Variants in FSTL4 observed in about 807,000 individuals in gnomAD.
FSTL4 encodes follistatin-related protein 4.
A neutral mutation model predicts 78.2 loss-of-function variants in FSTL4; 28 were observed. That is an observed-to-expected ratio of 0.36 (90% CI 0.27 to 0.49). The LOEUF (loss-of-function observed/expected upper bound fraction) is 0.49. FSTL4 is among the 20% of genes least tolerant of loss of function. The pLI is 0.98. For missense variants in FSTL4, 922 were observed against 1,084.9 expected (o/e 0.85, Z 2.11); for synonymous variants, 422 against 440.5 (o/e 0.96, Z 0.53).
At chr5:133,490,135 T>TG (rs1561737521) in intron 3 of FSTL4, among the ~76,000 whole-genome samples, 1 of 149,400 alleles carries the variant, frequency 6.7e-6, no homozygotes, top group Non-Finnish European at 1.5e-5. Flanking sequence ...GCCTCATTGT[T>TG]TTTTTTTTTT....
In FSTL4 at chr5:133,513,865, C is replaced by T. The variant is rs184637255; in HGVS notation, c.160+53321G>A. Reference sequence around the variant, plus strand: ...TTCAGAAGAAAACGTAAGAGAACTTCGGCACCTCAAGAGAATTAAATAAAC... The same window carrying T: ...TTCAGAAGAAAACGTAAGAGAACTTTGGCACCTCAAGAGAATTAAATAAAC... On this transcript the variant is annotated intron_variant, in intron 3 of 15. Coordinates refer to ENST00000265342, the MANE Select transcript of FSTL4 (RefSeq NM_015082.2). Among the ~76,000 whole-genome samples, 46 of 152,196 alleles carry T rather than the reference C, an allele frequency of 3.0e-4. No individual in the cohort carries two copies. In the South Asian group the frequency reaches 3.9e-3, roughly 13 times the overall value.
At chr5:133,669,492 G>T in the FSTL4 span, among the ~76,000 whole-genome samples, 1 of 152,226 alleles carries the variant, frequency 6.6e-6, no homozygotes, top group Non-Finnish European at 1.5e-5. Flanking sequence ...CAGCCAGGGA[G>T]GTGTCTTGCC....
At chr5:133,625,663 C>G in the FSTL4 span, among the ~76,000 whole-genome samples, 2 of 139,422 alleles carry the variant, frequency 1.4e-5, no homozygotes, top group East Asian at 4.1e-4. Context: ...TGCTTTGGGT[C>G]TATTTTAGTC....
chr5:133,724,497 G>T, the FSTL4 span, among the ~76,000 whole-genome samples: 8 of 150,584 alleles, frequency 5.3e-5, no homozygotes, highest in Admixed American at 4.0e-4. Flanking sequence ...TTTCCTGGGT[G>T]GGGGGGCGGG....
the FSTL4 span, among the ~76,000 whole-genome samples, chr5:133,744,414 T>C: frequency 6.6e-6 from 1 of 152,210 alleles, no homozygotes; most frequent in African/African-American, 2.4e-5. Context: ...ATCCAGGCTC[T>C]GTGATTCCGT....
chr5:133,542,175 T>C (rs1469005369), intron 3 of FSTL4, among the ~76,000 whole-genome samples: 1 of 152,210 alleles, frequency 6.6e-6, no homozygotes, highest in African/African-American at 2.4e-5. Context: ...AGTGTAAGAA[T>C]TTTTTCTTAC....
intron 2 of FSTL4, among the ~76,000 whole-genome samples, chr5:133,575,575 G>A (rs1386588603): frequency 2.6e-5 from 4 of 152,144 alleles, no homozygotes; most frequent in Non-Finnish European, 5.9e-5. Flanking sequence ...TTATTTTTGG[G>A]AGGTAAATGA....
chr5:133,828,848 C>A, the FSTL4 span, among the ~76,000 whole-genome samples: 1 of 152,194 alleles, frequency 6.6e-6, no homozygotes, highest in Non-Finnish European at 1.5e-5. Flanking sequence ...GATGTAGTAA[C>A]CAATACGAAG....
chr5:133,715,453 C>T, the FSTL4 span, among the ~76,000 whole-genome samples: 1 of 152,186 alleles, frequency 6.6e-6, no homozygotes, highest in African/African-American at 2.4e-5. Context: ...ACAATGGCTC[C>T]AAATGAGTGC....
At chr5:133,742,281 T>C in the FSTL4 span, among the ~76,000 whole-genome samples, 1 of 152,138 alleles carries the variant, frequency 6.6e-6, no homozygotes, top group African/African-American at 2.4e-5. Flanking sequence ...CCAGCCACCA[T>C]CAAAAGTGTC....
chr5:133,206,562 A>T (rs1451352844), intron 14 of FSTL4, among the ~76,000 whole-genome samples: 1 of 152,110 alleles, frequency 6.6e-6, no homozygotes, highest in Non-Finnish European at 1.5e-5. Flanking sequence ...GGGTTTCACC[A>T]TGTTGGCCAG....
chr5:133,347,056 C>T (rs1754710928), intron 4 of FSTL4, among the ~76,000 whole-genome samples: 1 of 152,108 alleles, frequency 6.6e-6, no homozygotes, highest in African/African-American at 2.4e-5. Flanking sequence ...TCCCTATCCC[C>T]CACAGCCAGT....
At chr5:133,479,199 A>G (rs1757979448) in intron 3 of FSTL4, among the ~76,000 whole-genome samples, 1 of 152,146 alleles carries the variant, frequency 6.6e-6, no homozygotes, top group Non-Finnish European at 1.5e-5. Context: ...CTGCATGACA[A>G]TCCCATGAAG....
rs1198155581 is a variant in FSTL4 at position 133,612,377 on chromosome 5, G to C, written c.-63C>G. 1 of 151,818 alleles carries C rather than the reference G, an allele frequency of 6.6e-6. No individual in the cohort carries two copies. Among genetic ancestry groups the C allele is most frequent in the African/African-American group, 2.4e-5 (1 of 41,370 alleles). 9.4% of individuals were successfully genotyped at this position (151,818 alleles called of 1,614,324 possible). On this transcript the variant is annotated 5_prime_UTR_variant, in exon 1 of 16. Coordinates refer to ENST00000265342, the MANE Select transcript of FSTL4 (RefSeq NM_015082.2). The surrounding 1 kb of genome is among the most constrained non-coding windows in gnomAD (Gnocchi z 6.2). ...CCAGGTGGCCGGACTTGGGCGGGAGGGAGGGAGCACCCCGTGGCGGCGGCG... is the reference window on the plus strand; with the variant it reads ...CCAGGTGGCCGGACTTGGGCGGGAGCGAGGGAGCACCCCGTGGCGGCGGCG...
At chr5:133,288,355 C>T (rs1263809524) in intron 6 of FSTL4, among the ~76,000 whole-genome samples, 11 of 152,172 alleles carry the variant, frequency 7.2e-5, no homozygotes, top group Non-Finnish European at 1.6e-4. Context: ...CAGGGAGCCC[C>T]AGGCACCCTC....
At chr5:133,242,298 G>A (rs892773668) in intron 7 of FSTL4, among the ~76,000 whole-genome samples, 4 of 152,126 alleles carry the variant, frequency 2.6e-5, no homozygotes, top group African/African-American at 7.2e-5. Context: ...AGAGTGCCTT[G>A]GAGGGGTAGG....
intron 13 of FSTL4, among the ~76,000 whole-genome samples, chr5:133,212,353 G>A (rs1289980490): frequency 2.6e-5 from 4 of 152,214 alleles, no homozygotes; most frequent in African/African-American, 9.6e-5. Flanking sequence ...ATTGAGGACA[G>A]AATTTTTCAC....
At chr5:133,750,930 G>A in the FSTL4 span, among the ~76,000 whole-genome samples, 5 of 152,062 alleles carry the variant, frequency 3.3e-5, no homozygotes, top group East Asian at 9.7e-4. Flanking sequence ...TCTGCCCACT[G>A]AGCAGCCTCC....
chr5:133,249,493 C>T lies in FSTL4; in HGVS notation c.811G>A (p.Ala271Thr), dbSNP rs200532258. 4.2e-5 allele frequency: 67 copies of T among 1,613,470 alleles called. No homozygotes were observed. The highest frequency in any genetic ancestry group is 2.2e-4 in the South Asian group (20 of 91,076). Residue 271 changes from alanine (A) to threonine (T), a missense_variant, in exon 7 of 16, where the codon GCC (alanine) becomes ACC (threonine). Physicochemically the swap from Ala to Thr is moderately conservative, Grantham distance 58 (BLOSUM62 0). Coordinates refer to ENST00000265342, the MANE Select transcript of FSTL4 (RefSeq NM_015082.2). ...TVGLSTVLTC[A>T]VHGDLRPPII... ...GGTGGCCTCAGGTCTCCATGGACGG[C>T]GCAGGTCAGCACTGTGCTCAGCCCC...
Sources: gnomAD v4.1 joint callset for allele counts (sites outside exome capture counted in the v4.1 genomes callset) on GRCh38, gnomAD v4.1.1 for gene constraint, Gnocchi (gnomAD v3.1) non-coding constraint, MANE v1.5 for transcripts, NCBI Gene and HGNC (gene_info 2026-07-23, HGNC 2026-07-21) for gene names.